Variants in SLC38A1 observed in about 807,000 individuals in gnomAD.
SLC38A1 encodes sodium-coupled neutral amino acid symporter 1.
A neutral mutation model predicts 60.3 loss-of-function variants in SLC38A1; 18 were observed. The observed-to-expected ratio is 0.30, with a 90% CI of 0.21 to 0.44. SLC38A1 has a LOEUF of 0.44. SLC38A1 is among the 20% of genes least tolerant of loss of function. The pLI is 1.00. For missense variants in SLC38A1, 448 were observed against 587.2 expected (o/e 0.76, Z 2.45); for synonymous variants, 196 against 212.1 (o/e 0.92, Z 0.66).
intron 6 of SLC38A1, 142 bp downstream of exon 6, chr12:46,208,912 G>C: frequency 1.6e-6 from 1 of 615,194 alleles, no homozygotes; most frequent in Non-Finnish European, 2.9e-6. Flanking sequence ...TACTACTATA[G>C]GTCTTCCAAT....
chr12:46,257,192 C>T (rs1312510712), intron 1 of SLC38A1, among the ~76,000 whole-genome samples: 1 of 152,170 alleles, frequency 6.6e-6, no homozygotes, highest in African/African-American at 2.4e-5. Context: ...AGATTCTGTA[C>T]ATGCCTAATC....
intron 8 of SLC38A1, 106 bp from the exon 9 acceptor site, chr12:46,206,268 A>G (rs1939896176): frequency 1.7e-6 from 1 of 571,796 alleles, no homozygotes. Flanking sequence ...ATTAATTTTT[A>G]CTATATGCAT....
At chr12:46,190,347 A>G (rs1939096395) in intron 16 of SLC38A1, among the ~76,000 whole-genome samples, 1 of 152,142 alleles carries the variant, frequency 6.6e-6, no homozygotes. Context: ...ATTGATGGAC[A>G]TTTGGGGTTC....
intron 16 of SLC38A1, among the ~76,000 whole-genome samples, chr12:46,193,604 T>A (rs557020223): frequency 1.3e-5 from 2 of 152,330 alleles, no homozygotes; most frequent in South Asian, 4.1e-4. Flanking sequence ...GCTTTATGGA[T>A]CTGGGTGCTC....
intron 13 of SLC38A1, among the ~76,000 whole-genome samples, chr12:46,199,324 TGTGTGTGTG>T (rs1939538409): frequency 1.8e-5 from 2 of 112,316 alleles, no homozygotes; most frequent in Admixed American, 1.0e-4. Flanking sequence ...TGTGTGTGTG[TGTGTGTGTG>T]TGTGTGTGTG....
At chr12:46,229,662 T>A in intron 3 of SLC38A1, 23 bp from the exon 4 acceptor site, 1 of 1,583,504 alleles carries the variant, frequency 6.3e-7, no homozygotes, top group Non-Finnish European at 8.7e-7. Flanking sequence ...GCGTAATATA[T>A]TTAACCTTAT....
intron 2 of SLC38A1, among the ~76,000 whole-genome samples, chr12:46,242,204 T>C (rs998647748): frequency 6.6e-6 from 1 of 152,128 alleles, no homozygotes; most frequent in African/African-American, 2.4e-5. Context: ...CAAAGAATAA[T>C]TTTTTATTAT....
At chr12:46,259,057 A>C (rs1447432373) in intron 1 of SLC38A1, among the ~76,000 whole-genome samples, 4 of 152,242 alleles carry the variant, frequency 2.6e-5, no homozygotes, top group Non-Finnish European at 5.9e-5. Flanking sequence ...TGCCACAAAA[A>C]AGAAGTGACC....
intron 16 of SLC38A1, chr12:46,195,901 T>G (rs1939352173): frequency 2.6e-6 from 1 of 385,974 alleles, no homozygotes; most frequent in East Asian, 5.6e-5. Flanking sequence ...TGACCCCTTG[T>G]GCTTCCTGGG....
chr12:46,256,186 A>G (rs1332507170), intron 1 of SLC38A1, among the ~76,000 whole-genome samples: 2 of 148,756 alleles, frequency 1.3e-5, no homozygotes, highest in South Asian at 4.2e-4. Context: ...AAAAAAAAAA[A>G]GTCAAAGCAG....
rs1044159098 is a variant in SLC38A1, at chr12:46,240,255, G to A, written c.-93-362C>T. 2.0e-5 allele frequency among the ~76,000 whole-genome samples: 3 copies of A among 152,188 alleles called. No homozygotes were observed. In the South Asian group the frequency reaches 6.2e-4, roughly 31 times the overall value. Reference sequence around the variant, plus strand: ...CTTGTTGCCCAGGCTGGAGTGTAATGGCACAGTCTCGGCTCACTGCAACCT... The same window carrying A: ...CTTGTTGCCCAGGCTGGAGTGTAATAGCACAGTCTCGGCTCACTGCAACCT... On this transcript the variant is annotated intron_variant, in intron 2 of 16. Transcript: ENST00000398637.
chr12:46,202,180 A>G (rs1014747404), intron 12 of SLC38A1, among the ~76,000 whole-genome samples: 1 of 136,144 alleles, frequency 7.3e-6, no homozygotes, highest in African/African-American at 3.1e-5. Context: ...TGACAGAGGG[A>G]GACTCTGTCT....
chr12:46,219,361 T>C (rs1213019947), intron 5 of SLC38A1, among the ~76,000 whole-genome samples: 10 of 152,262 alleles, frequency 6.6e-5, no homozygotes, highest in African/African-American at 9.6e-5. Context: ...ACAGGGTTGT[T>C]ATAAAGATCT....
chr12:46,246,451 G>C (rs557410616), intron 1 of SLC38A1, among the ~76,000 whole-genome samples: 1 of 152,264 alleles, frequency 6.6e-6, no homozygotes, highest in Non-Finnish European at 1.5e-5. Context: ...ACCTGGCAGC[G>C]GAAGGGGTGT....
At chr12:46,230,601 A>G (rs1941038121) in intron 3 of SLC38A1, among the ~76,000 whole-genome samples, 1 of 152,216 alleles carries the variant, frequency 6.6e-6, no homozygotes, top group Non-Finnish European at 1.5e-5. Context: ...TCCATGGGGA[A>G]AATAGGACTT....
At chr12:46,198,926 A>T (rs529132879) in intron 13 of SLC38A1, among the ~76,000 whole-genome samples, 183 bp from the exon 14 acceptor site, 2 of 152,374 alleles carry the variant, frequency 1.3e-5, no homozygotes, top group East Asian at 3.9e-4. Flanking sequence ...CACTGTGCAT[A>T]CGCGACTTAG....
At chr12:46,244,994 A>AT (rs1315262579) in intron 1 of SLC38A1, among the ~76,000 whole-genome samples, 1 of 152,096 alleles carries the variant, frequency 6.6e-6, no homozygotes, top group Non-Finnish European at 1.5e-5. Context: ...GTCTTGTTAG[A>AT]TTTTTTTATG....
chr12:46,259,919 C>T (rs1371470660), intron 1 of SLC38A1, among the ~76,000 whole-genome samples: 2 of 152,142 alleles, frequency 1.3e-5, no homozygotes, highest in Admixed American at 1.3e-4. Flanking sequence ...CTCCTGCCAC[C>T]ACTCCCCTGA....
intron 1 of SLC38A1, among the ~76,000 whole-genome samples, chr12:46,246,824 AGCAATATTTGCTGTTCT>A (rs1156256311): frequency 2.0e-5 from 3 of 152,226 alleles, no homozygotes; most frequent in Admixed American, 6.5e-5. Context: ...AGGATCAGGC[AGCAATATTTGCTGTTCT>A]GCAATATTTG....
Sources: gnomAD v4.1 joint callset for allele counts (sites outside exome capture counted in the v4.1 genomes callset) on GRCh38, gnomAD v4.1.1 for gene constraint, MANE v1.5 for transcripts, NCBI Gene and HGNC (gene_info 2026-07-23, HGNC 2026-07-21) for gene names.